The following DCUN1D5 variants were observed in gnomAD, a reference collection of about 807,000 sequenced individuals.
DCUN1D5 encodes the protein DCN1-like protein 5.
DCUN1D5 carries 10 observed loss-of-function variants against 38.3 expected under a neutral mutation model. The ratio of observed to expected loss-of-function variants is 0.26; its 90% CI spans 0.16 to 0.44. The LOEUF (loss-of-function observed/expected upper bound fraction) is 0.44. DCUN1D5 is among the 20% of genes least tolerant of loss of function. The pLI is 1.00. For missense variants in DCUN1D5, 148 were observed against 275.3 expected (o/e 0.54, Z 3.27); for synonymous variants, 93 against 90.9 (o/e 1.02, Z -0.13).
At chr11:103,072,888 C>T (rs1862315743) in intron 4 of DCUN1D5, among the ~76,000 whole-genome samples, 1 of 151,842 alleles carries the variant, frequency 6.6e-6, no homozygotes, top group East Asian at 1.9e-4. Context: ...GCACATGTAC[C>T]CTAGAACTTG....
At chr11:103,075,998 G>A (rs987867916) in intron 4 of DCUN1D5, among the ~76,000 whole-genome samples, 3 of 152,162 alleles carry the variant, frequency 2.0e-5, no homozygotes, top group African/African-American at 7.2e-5. Flanking sequence ...CAGATTACAT[G>A]CCACTATAAT....
intron 2 of DCUN1D5, among the ~76,000 whole-genome samples, chr11:103,085,619 T>C (rs1862686001): frequency 1.3e-5 from 2 of 152,302 alleles, no homozygotes; most frequent in South Asian, 2.1e-4. Flanking sequence ...GTGATGTAAA[T>C]AGTAACAGAT....
At position 103,052,463 on chromosome 11, in the gene DCUN1D5, T is replaced by C. The variant is rs1012218356; in HGVS notation, c.*9896A>G. 2.0e-5 allele frequency: 3 copies of C among 152,170 alleles called. No individual in the cohort carries two copies. The highest frequency in any genetic ancestry group is 7.2e-5 in the African/African-American group (3 of 41,460). 9.4% of individuals were successfully genotyped at this position (152,170 alleles called of 1,614,324 possible). A position where few individuals can be genotyped will look rare whatever the true frequency, so the allele number is the denominator to read the frequency against. On this transcript the variant is annotated 3_prime_UTR_variant, in exon 8 of 8. Transcript: ENST00000260247. ...AAGTGAGGAACACCTATGAATAACA[T>C]GGTCTCTGTTCACAGAGCTGTTTCC...
At chr11:103,074,916 C>T (rs993637923) in intron 4 of DCUN1D5, among the ~76,000 whole-genome samples, 1 of 152,132 alleles carries the variant, frequency 6.6e-6, no homozygotes, top group Non-Finnish European at 1.5e-5. Context: ...GATCACGGAA[C>T]CTTTTTCTGC....
chr11:103,062,044 T>G lies in DCUN1D5; in HGVS notation c.*315A>C, dbSNP rs1280590783. 2 of 261,196 alleles carry G rather than the reference T, an allele frequency of 7.7e-6. No individual in the cohort carries two copies. Among genetic ancestry groups the G allele is most frequent in the Non-Finnish European group, 1.4e-5 (2 of 139,936 alleles). 16.2% of individuals were successfully genotyped at this position (261,196 alleles called of 1,614,324 possible). On this transcript the variant is annotated 3_prime_UTR_variant, in exon 8 of 8. Coordinates refer to ENST00000260247, the MANE Select transcript of DCUN1D5 (RefSeq NM_032299.4). The surrounding 1 kb of genome is among the most constrained non-coding windows in gnomAD (Gnocchi z 4.6). The stretch of plus-strand genomic sequence containing the variant: ...ATCAAAAAATTCAAATTTACAAAAA[T>G]AAATACCACTCTGACACTCAAGGGA...
intron 2 of DCUN1D5, among the ~76,000 whole-genome samples, chr11:103,084,345 T>C (rs1862643936): frequency 6.6e-6 from 1 of 152,214 alleles, no homozygotes; most frequent in South Asian, 2.1e-4. Flanking sequence ...GACAGCACCA[T>C]ATTTAGGTTA....
chr11:103,089,671 T>C (rs955350472), intron 1 of DCUN1D5, among the ~76,000 whole-genome samples: 1 of 151,686 alleles, frequency 6.6e-6, no homozygotes, highest in Non-Finnish European at 1.5e-5. Context: ...ATTCTATTTG[T>C]GTGTAATAGA....
Position 103,077,125 on chromosome 11 carries a change from G to A in DCUN1D5, c.341+5623C>T, listed in dbSNP as rs1341024228. On this transcript the variant is annotated intron_variant, in intron 4 of 7. Transcript: ENST00000260247. This position sits in a 1 kb window ranked among gnomAD's most constrained non-coding sequence, Gnocchi z 4.3. ...TGAAGCAGGGGAATGGCGTGAACCCGGGAGGCGGAGCTTGCAGTGAGCCGA... is the reference window on the plus strand; with the variant it reads ...TGAAGCAGGGGAATGGCGTGAACCCAGGAGGCGGAGCTTGCAGTGAGCCGA... 6.6e-6 allele frequency among the ~76,000 whole-genome samples: 1 copy of A among 152,064 alleles called. No homozygotes were observed. The highest frequency in any genetic ancestry group is 1.5e-5 in the Non-Finnish European group (1 of 68,024).
In DCUN1D5 at chr11:103,056,023, A is replaced by G. The variant is rs1465262754; in HGVS notation, c.*6336T>C. Among the ~76,000 whole-genome samples, 1 of 152,128 alleles carries G rather than the reference A, an allele frequency of 6.6e-6. No homozygotes were observed. The highest frequency in any genetic ancestry group is 1.5e-5 in the Non-Finnish European group (1 of 68,016). On this transcript the variant is annotated 3_prime_UTR_variant, in exon 8 of 8. Coordinates refer to ENST00000260247, the MANE Select transcript of DCUN1D5 (RefSeq NM_032299.4). This position sits in a 1 kb window ranked among gnomAD's most constrained non-coding sequence, Gnocchi z 4.9. ...TTTTTTCATACCTCACATCCATTCT[A>G]TCAGCATATCCTTTTGGTGCTACCA...
intron 4 of DCUN1D5, among the ~76,000 whole-genome samples, chr11:103,082,023 T>A (rs1862577158): frequency 6.6e-6 from 1 of 152,130 alleles, no homozygotes; most frequent in South Asian, 2.1e-4. Flanking sequence ...TTTCTCTATT[T>A]TAGAATGTTG....
rs977984511 is a variant in DCUN1D5 at position 103,066,157 on chromosome 11, T to C, written c.555+112A>G. ...GATATGTACATATTTTAGAATTTTT[T>C]CTCTAAAGTTTTTTTAAAGCATACT... is the stretch of plus-strand genomic sequence containing the variant. On this transcript the variant is annotated intron_variant, in intron 6 of 7. Coordinates refer to ENST00000260247, the MANE Select transcript of DCUN1D5 (RefSeq NM_032299.4). This position sits in a 1 kb window ranked among gnomAD's most constrained non-coding sequence, Gnocchi z 4.7. The C allele has an allele frequency of 3.3e-6, 2 of 603,168 alleles. No individual in the cohort carries two copies. Among genetic ancestry groups the C allele is most frequent in the Non-Finnish European group, 5.4e-6 (2 of 367,920 alleles). 37.4% of individuals were successfully genotyped at this position (603,168 alleles called of 1,614,324 possible).
chr11:103,085,604 C>T (rs1219541339), intron 2 of DCUN1D5, among the ~76,000 whole-genome samples: 1 of 152,062 alleles, frequency 6.6e-6, no homozygotes, highest in Non-Finnish European at 1.5e-5. Flanking sequence ...ACTGACTTTG[C>T]CAAAGTGATG....
chr11:103,064,292 T>C lies in DCUN1D5; in HGVS notation c.641A>G (p.Tyr214Cys). The C allele has an allele frequency of 6.2e-7, 1 of 1,610,240 alleles. No individual in the cohort carries two copies. Among genetic ancestry groups the C allele is most frequent in the Non-Finnish European group, 8.5e-7 (1 of 1,178,984 alleles). The change falls in exon 7 of 8, where the codon TAT (tyrosine) becomes TGT (cysteine). Residue 214 changes from tyrosine to cysteine, a missense_variant. Coordinates refer to ENST00000260247, the MANE Select transcript of DCUN1D5 (RefSeq NM_032299.4). The surrounding 1 kb of genome is among the most constrained non-coding windows in gnomAD (Gnocchi z 4.5). Reference sequence around the variant, plus strand: ...ATACTTACAAGCACCATCTTCATCATAGTTACTAAGATCAGCATGGACTGT... The same window carrying C: ...ATACTTACAAGCACCATCTTCATCACAGTTACTAAGATCAGCATGGACTGT... ...SRTVHADLSN[Y>C]DEDGAWPVLL...
chr11:103,077,594 G>A lies in DCUN1D5; in HGVS notation c.341+5154C>T, dbSNP rs1862443220. 6.6e-6 allele frequency among the ~76,000 whole-genome samples: 1 copy of A among 152,154 alleles called. No individual in the cohort carries two copies. On this transcript the variant is annotated intron_variant, in intron 4 of 7. Coordinates refer to ENST00000260247, the MANE Select transcript of DCUN1D5 (RefSeq NM_032299.4). The surrounding 1 kb of genome is among the most constrained non-coding windows in gnomAD (Gnocchi z 4.3). ...TTAGGACTCGGAAATTAATTTCCTGGTATTGCTAAGCAACTGATTACAAAG... is the reference window on the plus strand; with the variant it reads ...TTAGGACTCGGAAATTAATTTCCTGATATTGCTAAGCAACTGATTACAAAG...
At position 103,073,843 on chromosome 11, in the gene DCUN1D5, C is replaced by T. The variant is rs766365236; in HGVS notation, c.342-7276G>A. On this transcript the variant is annotated intron_variant, in intron 4 of 7. Coordinates refer to ENST00000260247, the MANE Select transcript of DCUN1D5 (RefSeq NM_032299.4). The surrounding 1 kb of genome is among the most constrained non-coding windows in gnomAD (Gnocchi z 4.2). ...ATCCCAACATTTTTGGAGGCTCAGG[C>T]GGGCAGATCACTTGAGGTCAGGATT... Among the ~76,000 whole-genome samples the T allele has an allele frequency of 5.3e-5, 8 of 151,974 alleles. No individual in the cohort carries two copies. The highest frequency in any genetic ancestry group is 2.6e-4 in the Admixed American group (4 of 15,256).
chr11:103,064,131 T>C lies in DCUN1D5; in HGVS notation c.658+144A>G, dbSNP rs943807564. On this transcript the variant is annotated intron_variant, in intron 7 of 7. Transcript: ENST00000260247. This position sits in a 1 kb window ranked among gnomAD's most constrained non-coding sequence, Gnocchi z 4.5. ...TACTGCTGAATCTAAGCTCTCTCTC[T>C]ACTTCTCCCACAATCCCTCACACAA... is the stretch of plus-strand genomic sequence containing the variant. 3.4e-6 allele frequency: 2 copies of C among 583,578 alleles called. No individual in the cohort carries two copies. Among genetic ancestry groups the C allele is most frequent in the Admixed American group, 7.4e-5 (2 of 27,206 alleles). 36.1% of individuals were successfully genotyped at this position (583,578 alleles called of 1,614,324 possible).
In DCUN1D5 at chr11:103,091,649, G is replaced by C. The variant is rs1862871110; in HGVS notation, c.86+138C>G. On this transcript the variant is annotated intron_variant, in intron 1 of 7. Transcript: ENST00000260247. The surrounding 1 kb of genome is among the most constrained non-coding windows in gnomAD (Gnocchi z 4.3). ...CGGGCGCGGAGACTCGCGGTGTTCG[G>C]CACCTACAGCCTAGCTCGATCAAAG... 2.0e-6 allele frequency: 3 copies of C among 1,528,384 alleles called. No homozygotes were observed. The highest frequency in any genetic ancestry group is 2.7e-6 in the Non-Finnish European group (3 of 1,124,888). The allele number at this position is 1,528,384 out of a possible 1,614,324, so 94.7% of individuals were successfully genotyped here. A position where few individuals can be genotyped will look rare whatever the true frequency, so the allele number is the denominator to read the frequency against.
chr11:103,080,952 T>TTGCGC (rs1862547289), intron 4 of DCUN1D5, among the ~76,000 whole-genome samples: 1 of 151,114 alleles, frequency 6.6e-6, no homozygotes. Flanking sequence ...GAGGTTGCAG[T>TTGCGC]GAGCCAAGAT....
chr11:103,089,905 G>C (rs1212335517), intron 1 of DCUN1D5, among the ~76,000 whole-genome samples: 1 of 151,802 alleles, frequency 6.6e-6, no homozygotes, highest in Non-Finnish European at 1.5e-5. Context: ...TTGGGACAAG[G>C]CTATTTAATC....
Sources: allele counts gnomAD v4.1 joint callset (sites outside exome capture counted in the v4.1 genomes callset), GRCh38; gene constraint gnomAD v4.1.1; non-coding constraint Gnocchi (gnomAD v3.1); transcripts MANE v1.5; gene names NCBI Gene and HGNC (gene_info 2026-07-23, HGNC 2026-07-21).